The following BFSP1 variants were observed in gnomAD, a reference collection of about 807,000 sequenced individuals.
BFSP1 encodes beaded filament structural protein 1.
In BFSP1, 38 loss-of-function variants were observed where a neutral mutation model predicts 43.9. The observed-to-expected ratio is 0.87, with a 90% CI of 0.67 to 1.14. The LOEUF is 1.14. Among genes scored for constraint, BFSP1 ranks in the 50% most tolerant of loss-of-function variants. BFSP1 has a pLI of 0.00. For missense variants in BFSP1, 850 were observed against 875.1 expected (o/e 0.97, Z 0.36); for synonymous variants, 352 against 354.8 (o/e 0.99, Z 0.09).
intron 1 of BFSP1, among the ~76,000 whole-genome samples, chr20:17,568,000 A>T (rs2035142210): frequency 6.6e-6 from 1 of 151,980 alleles, no homozygotes; most frequent in African/African-American, 2.4e-5. Context: ...GGAAGTGGTA[A>T]GAGAAGTCTT....
Position 17,494,894 on chromosome 20 carries a change from C to T in BFSP1, c.1178G>A (p.Gly393Asp). ...NGALEDAPLK[G>D]LEDTKLVQVV... ...CTGTACCAGCTTTGTGTCTTCCAAA[C>T]CTTTTAATGGTGCATCTTCCAGAGC... Residue 393 changes from glycine (G) to aspartate (D), a missense_variant, in exon 8 of 8, where the codon GGT (glycine) becomes GAT (aspartate). Coordinates refer to ENST00000377873, the MANE Select transcript of BFSP1 (RefSeq NM_001195.5). 3 of 1,614,176 alleles carry T rather than the reference C, an allele frequency of 1.9e-6. No homozygotes were observed. The highest frequency in any genetic ancestry group is 2.2e-5 in the East Asian group (1 of 44,884).
chr20:17,562,199 C>T (rs1187543855), upstream of BFSP1, among the ~76,000 whole-genome samples: 1 of 151,404 alleles, frequency 6.6e-6, no homozygotes, highest in African/African-American at 2.4e-5. Context: ...GGATTAGAGG[C>T]ATGAGCCACC....
intron 1 of BFSP1, chr20:17,541,247 A>G (rs1389456914): frequency 1.0e-6 from 1 of 982,096 alleles, no homozygotes; most frequent in Non-Finnish European, 1.2e-6. Flanking sequence ...AACTTGAAAT[A>G]AAAGATAAAG....
At chr20:17,532,465 A>G (rs1326810878), upstream of BFSP1, among the ~76,000 whole-genome samples, 2 of 151,656 alleles carry the variant, frequency 1.3e-5, no homozygotes, top group Non-Finnish European at 2.9e-5. Context: ...TTTTTTTAAC[A>G]TAAAATGTAA....
rs748102189 is a variant in BFSP1 at position 17,498,808 on chromosome 20, G to T, written c.956+12C>A. The T allele has an allele frequency of 6.2e-7, 1 of 1,610,374 alleles. No individual in the cohort carries two copies. The highest frequency in any genetic ancestry group is 8.5e-7 in the Non-Finnish European group (1 of 1,178,980). On this transcript the variant is annotated intron_variant, in intron 6 of 7. Coordinates refer to ENST00000377873, the MANE Select transcript of BFSP1 (RefSeq NM_001195.5). ...GGAATAAGTGGCCTGGATGGGGAGG[G>T]CACACGCTCACCTGTTGCCTTCAAT...
At chr20:17,534,413 C>T (rs2034596034), upstream of BFSP1, among the ~76,000 whole-genome samples, 1 of 152,148 alleles carries the variant, frequency 6.6e-6, no homozygotes, top group Non-Finnish European at 1.5e-5. Context: ...AGTAGGGTAA[C>T]CACACATCCC....
intron 1 of BFSP1, among the ~76,000 whole-genome samples, chr20:17,553,852 TATATATACAC>T (rs2034944509): frequency 3.6e-5 from 3 of 83,852 alleles, no homozygotes; most frequent in Non-Finnish European, 6.8e-5. Flanking sequence ...TATATATACA[TATATATACAC>T]ATATATATAC....
At chr20:17,497,787 G>A (rs2033691460) in intron 6 of BFSP1, among the ~76,000 whole-genome samples, 1 of 151,920 alleles carries the variant, frequency 6.6e-6, no homozygotes, top group Admixed American at 6.6e-5. Context: ...GGAGTTCCTT[G>A]TTCTATTCTT....
intron 1 of BFSP1, among the ~76,000 whole-genome samples, chr20:17,550,816 G>A (rs2034885280): frequency 6.6e-6 from 1 of 152,164 alleles, no homozygotes; most frequent in Admixed American, 6.5e-5. Flanking sequence ...GCAATACCAG[G>A]ACATCTGGAC....
intron 1 of BFSP1, among the ~76,000 whole-genome samples, chr20:17,550,979 T>C (rs543634734): frequency 6.6e-6 from 1 of 152,322 alleles, no homozygotes; most frequent in South Asian, 2.1e-4. Flanking sequence ...CTGGCTCTCC[T>C]ATGCTCCTGC....
At chr20:17,519,321 C>A (rs2034269634) in intron 2 of BFSP1, among the ~76,000 whole-genome samples, 1 of 152,174 alleles carries the variant, frequency 6.6e-6, no homozygotes, top group Non-Finnish European at 1.5e-5. Flanking sequence ...TCCATGGAAG[C>A]CACTGTACTG....
chr20:17,538,016 G>A (rs1276047777), intron 1 of BFSP1, among the ~76,000 whole-genome samples: 3 of 151,680 alleles, frequency 2.0e-5, no homozygotes, highest in African/African-American at 7.3e-5. Context: ...AGCTACTTGG[G>A]AGGCTGAGAT....
intron 1 of BFSP1, among the ~76,000 whole-genome samples, chr20:17,553,148 G>A (rs1180378597): frequency 6.6e-6 from 1 of 152,072 alleles, no homozygotes; most frequent in Non-Finnish European, 1.5e-5. Context: ...AGAGTGTGTG[G>A]GATTCCGGAA....
upstream of BFSP1, among the ~76,000 whole-genome samples, chr20:17,536,360 G>A (rs2034628902): frequency 6.6e-6 from 1 of 152,088 alleles, no homozygotes; most frequent in African/African-American, 2.4e-5. Flanking sequence ...AGACCAGCCT[G>A]GGCAACATCG....
In BFSP1 at chr20:17,501,138, C is replaced by T. The variant is rs960577642; in HGVS notation, c.736-2098G>A. On this transcript the variant is annotated intron_variant, in intron 5 of 7. Coordinates refer to ENST00000377873, the MANE Select transcript of BFSP1 (RefSeq NM_001195.5). ...CATGTATGTCCACTGCAGGCATTTC[C>T]TACATCCAGACCTAAATGTACCTAC... Among the ~76,000 whole-genome samples the T allele has an allele frequency of 3.3e-4, 51 of 152,374 alleles. 1 individual carries two copies. Among genetic ancestry groups the T allele is most frequent in the Admixed American group, 4.6e-4 (7 of 15,308 alleles).
intron 1 of BFSP1, among the ~76,000 whole-genome samples, chr20:17,549,302 T>C (rs2034857634): frequency 6.6e-6 from 1 of 151,044 alleles, no homozygotes; most frequent in Non-Finnish European, 1.5e-5. Flanking sequence ...CTGAGTAATC[T>C]ATAAAGAAAA....
chr20:17,499,675 AC>A (rs1460589812), intron 5 of BFSP1, among the ~76,000 whole-genome samples: 2 of 152,114 alleles, frequency 1.3e-5, no homozygotes, highest in African/African-American at 4.8e-5. Flanking sequence ...TAATCCCAGA[AC>A]TTTGGGAGGC....
Position 17,494,306 on chromosome 20 carries a change from G to A in BFSP1, c.1766C>T (p.Pro589Leu), listed in dbSNP as rs761978428. ...TCCATCCTGATCAGCCGCAGGCTTT[G>A]GAGGCTCAGGTATAGATGGTTCCTC... is the stretch of plus-strand genomic sequence containing the variant. The part of the protein sequence containing the change: ...GAEEPSIPEP[P>L]KPAADQDGAE... The change falls in exon 8 of 8, where the codon CCA (proline) becomes CTA (leucine). Residue 589 changes from proline to leucine, a missense_variant. Pro to Leu is a moderately conservative substitution (Grantham distance 98). Transcript: ENST00000377873. 59 of 1,614,058 alleles carry A rather than the reference G, an allele frequency of 3.7e-5. No homozygotes were observed. The highest frequency in any genetic ancestry group is 4.8e-5 in the Non-Finnish European group (57 of 1,180,046).
rs1463062904 is a variant in BFSP1 at position 17,494,444 on chromosome 20, T to C, written c.1628A>G (p.Asp543Gly). The change falls in exon 8 of 8, where the codon GAC becomes GGC. Residue 543 changes from aspartate (D) to glycine (G), a missense_variant. Transcript: ENST00000377873. The stretch of plus-strand genomic sequence containing the variant: ...TGCACCATCTGGCTCAATCTCCTTG[T>C]CTATAGGCTGCTGGTCAATTGGTTG... ...DGQPIDQQPI[D>G]KEIEPDGAEL... 4 of 1,614,224 alleles carry C rather than the reference T, an allele frequency of 2.5e-6. No individual in the cohort carries two copies. The highest frequency in any genetic ancestry group is 2.7e-5 in the African/African-American group (2 of 75,054).
Sources: gnomAD v4.1 joint callset for allele counts (sites outside exome capture counted in the v4.1 genomes callset) on GRCh38, gnomAD v4.1.1 for gene constraint, MANE v1.5 for transcripts, NCBI Gene and HGNC (gene_info 2026-07-23, HGNC 2026-07-21) for gene names.